Variants in ARHGAP6 observed in about 807,000 individuals in gnomAD.
ARHGAP6 encodes Rho GTPase activating protein 6, also known as rho GTPase-activating protein 6.
In ARHGAP6, 16 loss-of-function variants were observed where a neutral mutation model predicts 55.7. The observed-to-expected ratio is 0.29, with a 90% CI of 0.19 to 0.44. ARHGAP6 has a LOEUF of 0.44. Ranked by LOEUF, ARHGAP6 falls within the 20% of genes least tolerant of loss-of-function variation. ARHGAP6 has a pLI of 1.00. For missense variants in ARHGAP6, 698 were observed against 808.9 expected (o/e 0.86, Z 1.66); for synonymous variants, 382 against 360.9 (o/e 1.06, Z -0.66).
intron 1 of ARHGAP6, among the ~76,000 whole-genome samples, chrX:11,261,295 T>A (rs924197994): frequency 5.4e-5 from 6 of 111,147 alleles, no homozygotes; most frequent in African/African-American, 2.0e-4. Context: ...CCATCAGACT[T>A]CATAGGAGCA....
intron 1 of ARHGAP6, among the ~76,000 whole-genome samples, chrX:11,403,680 C>T (rs761054894): frequency 1.8e-5 from 2 of 112,075 alleles, no homozygotes; most frequent in South Asian, 3.7e-4. Flanking sequence ...CAAAGGAAGG[C>T]GCTTCCATAG....
At position 11,279,719 on chromosome X, in the gene ARHGAP6, AT is replaced by A. The variant is rs1261653630; in HGVS notation, c.589-25013del. Among the ~76,000 whole-genome samples the A allele has an allele frequency of 2.7e-5, 3 of 110,643 alleles. No homozygotes were observed. In the East Asian group the frequency reaches 8.5e-4, roughly 31 times the overall value. On this transcript the variant is annotated intron_variant, in intron 1 of 12. Transcript: ENST00000337414. ...ATAAACCTAACAACTTTCGACACTT[AT>A]TTTTTTGCCAAAGACTATGCCAAGT...
At chrX:11,302,424 C>T (rs1216863886) in intron 1 of ARHGAP6, among the ~76,000 whole-genome samples, 1 of 112,406 alleles carries the variant, frequency 8.9e-6, no homozygotes, top group African/African-American at 3.2e-5. Flanking sequence ...TCCTGATCCT[C>T]TATGAGAATT....
intron 1 of ARHGAP6, among the ~76,000 whole-genome samples, chrX:11,285,164 G>A (rs201055297): frequency 1.1e-5 from 1 of 87,848 alleles, no homozygotes; most frequent in South Asian, 5.6e-4. Flanking sequence ...CACACAGATT[G>A]TTTTTTTTTT....
chrX:11,286,759 A>G (rs2047926575), intron 1 of ARHGAP6, among the ~76,000 whole-genome samples: 1 of 112,350 alleles, frequency 8.9e-6, no homozygotes, highest in African/African-American at 3.2e-5. Flanking sequence ...CCCAAATGCC[A>G]AGAGTGCTAA....
chrX:11,199,269 G>T (rs560765280), intron 2 of ARHGAP6, among the ~76,000 whole-genome samples: 4 of 112,217 alleles, frequency 3.6e-5, no homozygotes, highest in Non-Finnish European at 7.5e-5. Context: ...GTCTTCTTAT[G>T]AGCGTGTATG....
intron 1 of ARHGAP6, among the ~76,000 whole-genome samples, chrX:11,553,340 C>T (rs1486440544): frequency 9.1e-6 from 1 of 110,025 alleles, no homozygotes; most frequent in Non-Finnish European, 1.9e-5. Context: ...CTCCTGGGCT[C>T]AAGCGATCCT....
chrX:11,421,094 A>T lies in ARHGAP6; in HGVS notation c.589-166387T>A, dbSNP rs751338917. 8.1e-4 allele frequency among the ~76,000 whole-genome samples: 90 copies of T among 111,728 alleles called. 1 individual carries two copies. The highest frequency in any genetic ancestry group is 2.7e-3 in the African/African-American group (84 of 30,716). ...GAAGGACCACCAACACCCTCTCCAGAGTAATCCCCACACAGTATGAAACAC... is the reference window on the plus strand; with the variant it reads ...GAAGGACCACCAACACCCTCTCCAGTGTAATCCCCACACAGTATGAAACAC... On this transcript the variant is annotated intron_variant, in intron 1 of 12. Transcript: ENST00000337414.
At chrX:11,601,382 T>C (rs2051969743) in intron 1 of ARHGAP6, among the ~76,000 whole-genome samples, 1 of 110,802 alleles carries the variant, frequency 9.0e-6, no homozygotes, top group South Asian at 3.8e-4. Context: ...ATCAAGAGGA[T>C]GTGGTGAATG....
intron 5 of ARHGAP6, 22 bp downstream of exon 5, chrX:11,186,214 T>G: frequency 5.0e-6 from 6 of 1,194,550 alleles, no homozygotes; most frequent in Non-Finnish European, 6.8e-6. Flanking sequence ...CCTTAGTACT[T>G]TAGACAGACA....
At position 11,492,908 on chromosome X, in the gene ARHGAP6, G is replaced by A. The variant is rs142742734; in HGVS notation, c.588+171333C>T. ...CCAGCCTTGTCTCTTAAGTCAAGGT[G>A]CACGTCTTCTTCATACTCAGTTTCA... On this transcript the variant is annotated intron_variant, in intron 1 of 12. Coordinates refer to ENST00000337414, the MANE Select transcript of ARHGAP6 (RefSeq NM_013427.3). Among the ~76,000 whole-genome samples the A allele has an allele frequency of 1.6e-4, 18 of 111,805 alleles. No individual in the cohort carries two copies. In the East Asian group the frequency reaches 5.1e-3, roughly 32 times the overall value.
intron 2 of ARHGAP6, among the ~76,000 whole-genome samples, chrX:11,213,116 ATCC>A (rs2147394474): frequency 8.9e-6 from 1 of 112,613 alleles, no homozygotes; most frequent in Admixed American, 9.3e-5. Flanking sequence ...AGTGCTCGGA[ATCC>A]TGTCCTGAGG....
chrX:11,443,604 G>A (rs188454066), intron 1 of ARHGAP6, among the ~76,000 whole-genome samples: 1 of 112,293 alleles, frequency 8.9e-6, no homozygotes, highest in Admixed American at 9.4e-5. Flanking sequence ...CCATTCTGAT[G>A]GGAAAGCAGT....
At chrX:11,458,455 C>T (rs1434380888) in intron 1 of ARHGAP6, among the ~76,000 whole-genome samples, 3 of 112,162 alleles carry the variant, frequency 2.7e-5, no homozygotes, top group Non-Finnish European at 5.6e-5. Flanking sequence ...ATGTCTGACT[C>T]GTCACATCCA....
chrX:11,182,992 T>C (rs751706456), intron 5 of ARHGAP6, among the ~76,000 whole-genome samples: 1 of 111,723 alleles, frequency 9.0e-6, no homozygotes, highest in Non-Finnish European at 1.9e-5. Flanking sequence ...ACACTGCATA[T>C]ATATAATATC....
chrX:11,590,906 GAAAGAAAGA>G (rs2051818642), intron 1 of ARHGAP6, among the ~76,000 whole-genome samples: 1 of 91,901 alleles, frequency 1.1e-5, no homozygotes, highest in Middle Eastern at 5.4e-3. Flanking sequence ...AAGAAAGAAA[GAAAGAAAGA>G]AAAGAAAAGA....
chrX:11,178,375 C>G, intron 7 of ARHGAP6, 127 bp from the exon 8 acceptor site: 2 of 792,470 alleles, frequency 2.5e-6, no homozygotes, highest in Middle Eastern at 4.7e-4. Context: ...CATGCCTTCA[C>G]TCATTTGCCC....
intron 1 of ARHGAP6, among the ~76,000 whole-genome samples, chrX:11,365,003 A>G (rs978658061): frequency 6.3e-5 from 7 of 111,453 alleles, no homozygotes; most frequent in Non-Finnish European, 1.3e-4. Flanking sequence ...AAATGCAAGG[A>G]GAAGGGGAGA....
At chrX:11,175,147 A>C (rs1454892132) in intron 8 of ARHGAP6, among the ~76,000 whole-genome samples, 1 of 111,650 alleles carries the variant, frequency 9.0e-6, no homozygotes, top group Non-Finnish European at 1.9e-5. Context: ...CCAAGGATTC[A>C]CAGCTTAAAA....
Sources: allele counts gnomAD v4.1 joint callset (sites outside exome capture counted in the v4.1 genomes callset), GRCh38; gene constraint gnomAD v4.1.1; transcripts MANE v1.5; gene names NCBI Gene and HGNC (gene_info 2026-07-23, HGNC 2026-07-21).